Variants in CCDC138 observed in about 807,000 individuals in gnomAD.
The protein encoded by CCDC138 is coiled-coil domain-containing protein 138.
CCDC138 carries 66 observed loss-of-function variants against 82.3 expected under a neutral mutation model. The observed-to-expected ratio is 0.80, with a 90% CI of 0.66 to 0.98. CCDC138 has a LOEUF of 0.98. Ranked by LOEUF, CCDC138 falls within the 50% of genes least tolerant of loss-of-function variation. The probability of loss-of-function intolerance (pLI) is 0.00; values close to 1 mark genes in which losing one functional copy is unlikely to be tolerated. For missense variants in CCDC138, 816 were observed against 758.9 expected, an observed-to-expected ratio of 1.08 and a Z score of -0.88; for synonymous variants, 297 against 265.4, an observed-to-expected ratio of 1.12 and a Z score of -1.16.
intron 13 of CCDC138, 51 bp downstream of exon 13, chr2:108,857,021 C>T (rs1370206747): frequency 5.2e-6 from 3 of 581,382 alleles, no homozygotes; most frequent in South Asian, 2.6e-5. Context: ...ATTTTTCTGT[C>T]TTTATCTTGT....
At chr2:108,871,157 AT>A (rs1695178212) in intron 13 of CCDC138, among the ~76,000 whole-genome samples, 1 of 152,142 alleles carries the variant, frequency 6.6e-6, no homozygotes, top group African/African-American at 2.4e-5. Context: ...TTTTACAGAA[AT>A]GGCATGCATT....
chr2:108,805,813 TTCCATC>T lies in CCDC138; in HGVS notation c.855+807_855+812del, dbSNP rs897901671. Among the ~76,000 whole-genome samples, 163 of 152,320 alleles carry T rather than the reference TTCCATC, an allele frequency of 1.1e-3. 2 individuals carry two copies. The highest frequency in any genetic ancestry group is 3.8e-3 in the African/African-American group (160 of 41,572). Reference sequence around the variant, plus strand: ...TTGTGAGTTATGTCTATTTTTTTCCTTCCATCTGCCAGTTTTTGGCAGAAAGATGTG... The same window carrying T: ...TTGTGAGTTATGTCTATTTTTTTCCTTGCCAGTTTTTGGCAGAAAGATGTG... On this transcript the variant is annotated intron_variant, in intron 7 of 14. Coordinates refer to ENST00000295124, the MANE Select transcript of CCDC138 (RefSeq NM_144978.3).
intron 10 of CCDC138, among the ~76,000 whole-genome samples, chr2:108,832,723 T>C (rs1311980857): frequency 6.6e-6 from 1 of 152,166 alleles, no homozygotes; most frequent in East Asian, 1.9e-4. Flanking sequence ...CTGCTAAAAG[T>C]TAAGCTTTGA....
downstream of CCDC138, among the ~76,000 whole-genome samples, chr2:108,881,158 T>C (rs1696281048): frequency 1.3e-5 from 2 of 152,240 alleles, no homozygotes; most frequent in Admixed American, 1.3e-4. Context: ...TTGTGTAGTG[T>C]AGCCACTTCA....
chr2:108,861,472 C>CTTTTTTTTTTTT lies in CCDC138; in HGVS notation c.1693+4517_1693+4528dup, dbSNP rs201132350. On this transcript the variant is annotated intron_variant, in intron 13 of 14. Transcript: ENST00000295124. ...ACATTTAGCACTATAAACTTTCTTC[C>CTTTTTTTTTTTT]TTTTTTTTTTTTTTTTTTTTTTTTT... 4.4e-4 allele frequency among the ~76,000 whole-genome samples: 54 copies of CTTTTTTTTTTTT among 123,512 alleles called. 10 individuals carry two copies. Among genetic ancestry groups the CTTTTTTTTTTTT allele is most frequent in the African/African-American group, 1.7e-3 (43 of 25,874 alleles). 81.0% of individuals were successfully genotyped at this position (123,512 alleles called of 152,430 possible). A position where few individuals can be genotyped will look rare whatever the true frequency, so the allele number is the denominator to read the frequency against.
At chr2:108,860,809 G>A (rs1693435048) in intron 13 of CCDC138, among the ~76,000 whole-genome samples, 1 of 151,842 alleles carries the variant, frequency 6.6e-6, no homozygotes, top group African/African-American at 2.4e-5. Context: ...GTATGATACT[G>A]GGTTTTGGAA....
intron 3 of CCDC138, among the ~76,000 whole-genome samples, chr2:108,790,612 G>T (rs1035659297): frequency 2.0e-5 from 3 of 152,226 alleles, no homozygotes; most frequent in Non-Finnish European, 4.4e-5. Flanking sequence ...TGAGACAGGA[G>T]AATTGCTTGG....
chr2:108,849,449 A>G (rs1691057939), intron 12 of CCDC138, among the ~76,000 whole-genome samples: 1 of 151,904 alleles, frequency 6.6e-6, no homozygotes, highest in Non-Finnish European at 1.5e-5. Flanking sequence ...CACCCTGGCC[A>G]CTGGATTTCA....
intron 7 of CCDC138, among the ~76,000 whole-genome samples, chr2:108,809,859 G>A (rs1683504584): frequency 6.6e-6 from 1 of 152,160 alleles, no homozygotes; most frequent in South Asian, 2.1e-4. Flanking sequence ...AGGCTGGAGT[G>A]CAGCAGCACG....
At chr2:108,844,003 G>A (rs146670341) in intron 11 of CCDC138, among the ~76,000 whole-genome samples, 4 of 148,348 alleles carry the variant, frequency 2.7e-5, no homozygotes, top group East Asian at 4.1e-4. Context: ...CTGGGACCAC[G>A]GTCATGTACT....
At chr2:108,872,750 A>G (rs1574327162) in intron 13 of CCDC138, among the ~76,000 whole-genome samples, 2 of 152,276 alleles carry the variant, frequency 1.3e-5, no homozygotes, top group South Asian at 2.1e-4. Context: ...TCTTAATACT[A>G]TTACAATGGC....
intron 7 of CCDC138, among the ~76,000 whole-genome samples, chr2:108,811,368 C>T (rs1018312033): frequency 1.1e-4 from 16 of 151,478 alleles, no homozygotes; most frequent in Non-Finnish European, 1.9e-4. Context: ...CTTCAGCCTC[C>T]TTAGTAGCTG....
chr2:108,810,315 C>T (rs921231961), intron 7 of CCDC138, among the ~76,000 whole-genome samples: 9 of 152,080 alleles, frequency 5.9e-5, no homozygotes, highest in African/African-American at 2.2e-4. Flanking sequence ...GAAGTACATT[C>T]CTTCTGTACC....
chr2:108,788,062 T>C lies in CCDC138; in HGVS notation c.124T>C (p.Tyr42His). The C allele has an allele frequency of 6.3e-7, 1 of 1,598,508 alleles. No individual in the cohort carries two copies. The highest frequency in any genetic ancestry group is 1.1e-5 in the South Asian group (1 of 88,424). The change falls in exon 2 of 15, where the codon TAT becomes CAT. Residue 42 changes from tyrosine (Y) to histidine (H), a missense_variant. Tyr to His is a moderately conservative substitution (Grantham distance 83, BLOSUM62 2). Coordinates refer to ENST00000295124, the MANE Select transcript of CCDC138 (RefSeq NM_144978.3). ...YDFSNFYQSK[Y>H]KRRTLTSPGD... is the part of the protein sequence containing the mutation. ...TTTTTCAAATTTTTATCAGTCTAAG[T>C]ATAAGAGAAGAACTCTAACCTCCCC...
rs867633365 is a variant in CCDC138 at position 108,794,596 on chromosome 2, G to A, written c.451G>A (p.Ala151Thr). Residue 151 changes from alanine (A) to threonine (T), a missense_variant, in exon 5 of 15, where the codon GCA becomes ACA. By Grantham distance (58) the Ala-to-Thr change is moderately conservative. Coordinates refer to ENST00000295124, the MANE Select transcript of CCDC138 (RefSeq NM_144978.3). ...SRPRTECCSD[A>T]GDSPLKPVSC... ...ACCTCGGACTGAGTGTTGTAGTGAT[G>A]CAGGTGACTCTCCTTTGAAACCTGT... 6.2e-7 allele frequency: 1 copy of A among 1,614,068 alleles called. No homozygotes were observed. Among genetic ancestry groups the A allele is most frequent in the Non-Finnish European group, 8.5e-7 (1 of 1,179,984 alleles).
At chr2:108,881,591 A>G (rs1696292936) in intron 1 of CCDC138, among the ~76,000 whole-genome samples, 1 of 152,334 alleles carries the variant, frequency 6.6e-6, no homozygotes, top group African/African-American at 2.4e-5. Context: ...GCTAAACCCA[A>G]CCATTTCTAG....
intron 10 of CCDC138, among the ~76,000 whole-genome samples, chr2:108,828,902 C>T (rs966009556): frequency 1.3e-5 from 2 of 152,026 alleles, no homozygotes; most frequent in Non-Finnish European, 2.9e-5. Flanking sequence ...TGCTTGAACC[C>T]AGGAGGTGGA....
intron 10 of CCDC138, among the ~76,000 whole-genome samples, chr2:108,825,271 GTTTT>G (rs1278800358): frequency 8.4e-5 from 7 of 83,604 alleles, no homozygotes; most frequent in Non-Finnish European, 2.4e-4. Flanking sequence ...CTGGTGGTGG[GTTTT>G]TTGTTTGTTT....
intron 10 of CCDC138, 108 bp from the exon 11 acceptor site, chr2:108,839,077 T>C (rs1689036962): frequency 3.4e-6 from 4 of 1,182,664 alleles, no homozygotes; most frequent in Non-Finnish European, 4.6e-6. Flanking sequence ...GGAGAACTCT[T>C]TTGTTTTGTT....
Sources: gnomAD v4.1 joint callset for allele counts (sites outside exome capture counted in the v4.1 genomes callset) on GRCh38, gnomAD v4.1.1 for gene constraint, MANE v1.5 for transcripts, NCBI Gene and HGNC (gene_info 2026-07-23, HGNC 2026-07-21) for gene names.